The following EXOC5 variants were observed in gnomAD, a reference collection of about 807,000 sequenced individuals.
EXOC5 encodes the protein exocyst complex component 5, also known as SEC10-like 1.
EXOC5 carries 17 observed loss-of-function variants against 90.8 expected under a neutral mutation model. That is an observed-to-expected ratio of 0.19 (90% CI 0.13 to 0.28). The LOEUF (loss-of-function observed/expected upper bound fraction) is 0.28. Ranked by LOEUF, EXOC5 falls within the 10% of genes least tolerant of loss-of-function variation. The probability of loss-of-function intolerance (pLI) is 1.00; values close to 1 mark genes in which losing one functional copy is unlikely to be tolerated. For synonymous variants in EXOC5, 260 were observed against 270.0 expected (o/e 0.96, Z 0.36); for missense variants, 569 against 830.6 (o/e 0.69, Z 3.87).
chr14:57,255,200 A>G (rs1017124594), intron 1 of EXOC5, among the ~76,000 whole-genome samples: 1 of 152,154 alleles, frequency 6.6e-6, no homozygotes, highest in Non-Finnish European at 1.5e-5. Context: ...CTGTGAAACC[A>G]AATATCTAGC....
intron 4 of EXOC5, among the ~76,000 whole-genome samples, chr14:57,242,183 T>G (rs1169280759): frequency 6.6e-6 from 1 of 150,896 alleles, no homozygotes; most frequent in Non-Finnish European, 1.5e-5. Flanking sequence ...AACATATGTG[T>G]AAGGACAGAG....
At chr14:57,222,798 T>TACAC (rs1423003653) in intron 12 of EXOC5, among the ~76,000 whole-genome samples, 1 of 144,720 alleles carries the variant, frequency 6.9e-6, no homozygotes, top group Admixed American at 6.9e-5. Context: ...CACACACACA[T>TACAC]ACACACACAC....
intron 1 of EXOC5, among the ~76,000 whole-genome samples, chr14:57,254,303 C>T (rs747431168): frequency 9.2e-5 from 14 of 151,870 alleles, no homozygotes; most frequent in South Asian, 4.1e-4. Context: ...GGTGTGGTGG[C>T]GAGTGCCTGT....
chr14:57,249,981 A>G (rs1319206380), intron 1 of EXOC5, among the ~76,000 whole-genome samples: 2 of 152,104 alleles, frequency 1.3e-5, no homozygotes, highest in Admixed American at 6.5e-5. Flanking sequence ...CATGTTGGTC[A>G]GGCTGGTCTC....
intron 7 of EXOC5, among the ~76,000 whole-genome samples, chr14:57,234,978 T>C (rs1316757107): frequency 6.6e-6 from 1 of 152,178 alleles, no homozygotes; most frequent in Non-Finnish European, 1.5e-5. Context: ...TAAAACAAAC[T>C]GATTTGTCAT....
Position 57,244,205 on chromosome 14 carries a change from T to C in EXOC5, c.425A>G (p.Asp142Gly), listed in dbSNP as rs1421734833. 5.0e-6 allele frequency: 8 copies of C among 1,613,718 alleles called. No homozygotes were observed. The highest frequency in any genetic ancestry group is 1.7e-5 in the Admixed American group (1 of 59,988). Residue 142 changes from aspartate (D) to glycine (G), a missense_variant, in exon 4 of 18, where the codon GAT becomes GGT. Physicochemically the swap from Asp to Gly is moderately conservative, Grantham distance 94. Around this residue, in one of 9 missense-constraint regions of EXOC5, gnomAD observed 97 missense variants for 177.9 expected, o/e 0.55. Transcript: ENST00000621441. ...KLMKYFNEFLDGELKSDVFTN... is the reference protein window; with the variant it reads ...KLMKYFNEFLGGELKSDVFTN... ...AAAAACATCAGATTTCAATTCTCCA[T>C]CTAGAAACTCATTAAAGTATTTCAT...
At chr14:57,248,808 T>C (rs1029740751) in intron 1 of EXOC5, among the ~76,000 whole-genome samples, 1 of 152,098 alleles carries the variant, frequency 6.6e-6, no homozygotes, top group African/African-American at 2.4e-5. Flanking sequence ...GTCCCAAGGA[T>C]GAATTAATAT....
intron 12 of EXOC5, 41 bp from the exon 13 acceptor site, chr14:57,222,457 C>A: frequency 8.2e-7 from 1 of 1,216,732 alleles, no homozygotes; most frequent in South Asian, 1.4e-5. Context: ...CTCAAGTCTA[C>A]CTTTTGAAAA....
chr14:57,238,212 C>A, intron 5 of EXOC5, among the ~76,000 whole-genome samples: 1 of 99,940 alleles, frequency 1.0e-5, no homozygotes. Flanking sequence ...ATATTCAACT[C>A]CACATATATA....
Position 57,222,411 on chromosome 14 carries a change from A to T in EXOC5, c.1302T>A (p.Ser434=), listed in dbSNP as rs200902108. 32 of 1,579,016 alleles carry T rather than the reference A, an allele frequency of 2.0e-5. No homozygotes were observed. Among genetic ancestry groups the T allele is most frequent in the Middle Eastern group, 3.4e-4 (2 of 5,942 alleles). The stretch of plus-strand genomic sequence containing the variant: ...CATTCCTTGGTAAGTCAGAAGGATC[A>T]GAGAGCTTAAAAACAAAAATCAAAC... ...KQAFERCHRL[S]DPSDLPRNAF... Residue 434 remains serine (S), a synonymous_variant, in exon 13 of 18, where the codon TCT becomes TCA. Coordinates refer to ENST00000621441, the MANE Select transcript of EXOC5 (RefSeq NM_006544.4).
intron 11 of EXOC5, among the ~76,000 whole-genome samples, chr14:57,230,469 T>C (rs1321238406): frequency 6.6e-6 from 1 of 151,188 alleles, no homozygotes; most frequent in Non-Finnish European, 1.5e-5. Context: ...ATTCCTATTA[T>C]TCATTAGTTT....
rs1343330403 is a variant in EXOC5 at position 57,207,452 on chromosome 14, C to A, written c.*1157G>T. ...TAGTAATGGCCTTTCTAAATTTTCA[C>A]TTGATATTTAAAATTTTATAAGTGA... On this transcript the variant is annotated 3_prime_UTR_variant, in exon 18 of 18. Transcript: ENST00000621441. The A allele has an allele frequency of 6.6e-6, 1 of 152,392 alleles. No homozygotes were observed. Among genetic ancestry groups the A allele is most frequent in the Non-Finnish European group, 1.5e-5 (1 of 67,956 alleles). The allele number at this position is 152,392 out of a possible 1,614,324, so 9.4% of individuals were successfully genotyped here.
At chr14:57,227,955 C>T (rs376540222) in intron 12 of EXOC5, among the ~76,000 whole-genome samples, 25,178 of 150,732 alleles carry the variant, frequency 0.17, 4,306 homozygotes, top group African/African-American at 0.45. Context: ...TACACACACA[C>T]ACACACACAC....
At chr14:57,233,544 ATAC>A (rs1883549600) in intron 9 of EXOC5, among the ~76,000 whole-genome samples, 196 bp downstream of exon 9, 1 of 152,146 alleles carries the variant, frequency 6.6e-6, no homozygotes, top group African/African-American at 2.4e-5. Flanking sequence ...TTCTCTGATG[ATAC>A]TTATTGATTA....
At position 57,219,456 on chromosome 14, in the gene EXOC5, G is replaced by A. The variant is rs1380183386; in HGVS notation, c.1406-14C>T. On this transcript the variant is annotated splice_polypyrimidine_tract_variant and intron_variant, in intron 13 of 17. Transcript: ENST00000621441. ...AAGAGGGAATTCCTAAAACCAGAAA[G>A]CATACATATGTTAGAATCATCCTTG... 1 of 1,558,320 alleles carries A rather than the reference G, an allele frequency of 6.4e-7. No homozygotes were observed. The highest frequency in any genetic ancestry group is 8.7e-7 in the Non-Finnish European group (1 of 1,154,334).
In EXOC5 at chr14:57,209,597, G is replaced by C. The variant is rs766053604; in HGVS notation, c.1908C>G (p.Ala636=). 6.2e-7 allele frequency: 1 copy of C among 1,612,432 alleles called. No homozygotes were observed. Among genetic ancestry groups the C allele is most frequent in the Non-Finnish European group, 8.5e-7 (1 of 1,179,076 alleles). ...MGGMLAICDV[A]EYRKCAKDFK... is the part of the protein sequence containing the mutation. ...AGTCTTTGGCACACTTCCTATATTCGGCTACATCACAAATGGCCAACATGC... is the reference window on the plus strand; with the variant it reads ...AGTCTTTGGCACACTTCCTATATTCCGCTACATCACAAATGGCCAACATGC... The change falls in exon 17 of 18, where the codon GCC becomes GCG. Residue 636 remains alanine, a synonymous_variant. Coordinates refer to ENST00000621441, the MANE Select transcript of EXOC5 (RefSeq NM_006544.4).
At chr14:57,263,680 C>T (rs371339565) in intron 1 of EXOC5, among the ~76,000 whole-genome samples, 5 of 145,910 alleles carry the variant, frequency 3.4e-5, no homozygotes, top group African/African-American at 1.0e-4. Context: ...GCAGGAGAAT[C>T]GCTTGAAACC....
At chr14:57,266,797 A>G (rs1884683215) in intron 1 of EXOC5, among the ~76,000 whole-genome samples, 1 of 151,280 alleles carries the variant, frequency 6.6e-6, no homozygotes, top group Admixed American at 6.6e-5. Context: ...GGACCCCAGA[A>G]AGCAAAATAT....
chr14:57,203,374 C>T lies in EXOC5; in HGVS notation c.*5235G>A, dbSNP rs1490714542. 2.6e-5 allele frequency: 4 copies of T among 152,190 alleles called. No individual in the cohort carries two copies. Among genetic ancestry groups the T allele is most frequent in the African/African-American group, 9.7e-5 (4 of 41,442 alleles). The allele number at this position is 152,190 out of a possible 1,614,324, so 9.4% of individuals were successfully genotyped here. A position where few individuals can be genotyped will look rare whatever the true frequency, so the allele number is the denominator to read the frequency against. On this transcript the variant is annotated 3_prime_UTR_variant, in exon 18 of 18. Transcript: ENST00000621441. Reference sequence around the variant, plus strand: ...GATTACAGGGGCATCAGGAAGGCTTCTCACCTCTCAAAGTTTAATCTCAAA... The same window carrying T: ...GATTACAGGGGCATCAGGAAGGCTTTTCACCTCTCAAAGTTTAATCTCAAA...
Sources: gnomAD v4.1 joint callset for allele counts (sites outside exome capture counted in the v4.1 genomes callset) on GRCh38, gnomAD v4.1.1 for gene constraint, gnomAD v4.1.1 regional missense constraint, MANE v1.5 for transcripts, NCBI Gene and HGNC (gene_info 2026-07-23, HGNC 2026-07-21) for gene names.